The following TENM2 variants were observed in gnomAD, a reference collection of about 807,000 sequenced individuals.
TENM2 encodes teneurin transmembrane protein 2.
TENM2 carries 52 observed loss-of-function variants against 245.2 expected under a neutral mutation model. The observed-to-expected ratio is 0.21, with a 90% CI of 0.17 to 0.27. The LOEUF (loss-of-function observed/expected upper bound fraction) is 0.27, where lower values mean the gene tolerates loss of function less well. TENM2 is among the 10% of genes least tolerant of loss of function. TENM2 has a pLI of 1.00. For missense variants in TENM2, 3,046 were observed against 3,666.8 expected, an observed-to-expected ratio of 0.83 and a Z score of 4.37; for synonymous variants, 1,363 against 1,438.9, an observed-to-expected ratio of 0.95 and a Z score of 1.19.
At chr5:167,284,303 A>G (rs750975231), upstream of TENM2, among the ~76,000 whole-genome samples, 1 of 152,232 alleles carries the variant, frequency 6.6e-6, no homozygotes, top group African/African-American at 2.4e-5. Flanking sequence ...TTTATGCCTT[A>G]TGCTCAAATC....
chr5:168,149,419 C>T (rs1756441559), intron 12 of TENM2: 1 of 457,056 alleles, frequency 2.2e-6, no homozygotes, highest in African/African-American at 2.0e-5. Flanking sequence ...GCTGCATCAA[C>T]AGGGGTAGTT....
At chr5:167,397,205 A>G (rs911571506) in intron 2 of TENM2, among the ~76,000 whole-genome samples, 3 of 152,046 alleles carry the variant, frequency 2.0e-5, no homozygotes, top group South Asian at 4.1e-4. Context: ...TCACAAAACC[A>G]TGGAAGGGAG....
At chr5:167,384,201 C>G (rs957810549) in intron 2 of TENM2, among the ~76,000 whole-genome samples, 1 of 152,106 alleles carries the variant, frequency 6.6e-6, no homozygotes, top group Non-Finnish European at 1.5e-5. Flanking sequence ...CCAAGCACTC[C>G]TATGCATTTA....
At chr5:167,598,871 G>T (rs895045865) in intron 2 of TENM2, among the ~76,000 whole-genome samples, 1 of 152,028 alleles carries the variant, frequency 6.6e-6, no homozygotes, top group South Asian at 2.1e-4. Context: ...AATTTATACC[G>T]CAGGTTAATC....
chr5:167,395,890 C>T (rs1225651703), intron 2 of TENM2, among the ~76,000 whole-genome samples: 1 of 152,000 alleles, frequency 6.6e-6, no homozygotes, highest in African/African-American at 2.4e-5. Flanking sequence ...AAATAGAAAT[C>T]AAAACTACAA....
rs116505785 is a variant in TENM2, at chr5:167,674,724, C to T, written c.503-201262C>T. Among the ~76,000 whole-genome samples the T allele has an allele frequency of 8.0e-3, 1,216 of 152,132 alleles. 20 individuals are homozygous for T. The highest frequency in any genetic ancestry group is 0.027 in the African/African-American group (1,133 of 41,514). On this transcript the variant is annotated intron_variant, in intron 2 of 28. Coordinates refer to ENST00000518659, the Ensembl canonical transcript of TENM2. The stretch of plus-strand genomic sequence containing the variant: ...AGATTTAAAGTACTTAGTAAGTATT[C>T]AGAATGTGGATCGTGCAAGAGTAAC...
intron 2 of TENM2, among the ~76,000 whole-genome samples, chr5:167,458,605 C>G (rs767336612): frequency 4.0e-5 from 6 of 150,906 alleles, no homozygotes; most frequent in Non-Finnish European, 7.4e-5. Flanking sequence ...GTAAAGCTGA[C>G]GTCATGCATA....
intron 1 of TENM2, among the ~76,000 whole-genome samples, chr5:167,331,551 T>C (rs2127791573): frequency 6.6e-6 from 1 of 152,324 alleles, no homozygotes; most frequent in South Asian, 2.1e-4. Context: ...TGTAGGATAT[T>C]CTGTCATCTT....
chr5:167,727,408 G>A (rs116563934), intron 2 of TENM2, among the ~76,000 whole-genome samples: 4,569 of 152,238 alleles, frequency 0.03, 212 homozygotes, highest in African/African-American at 0.1. Flanking sequence ...CACCGTGCCC[G>A]GCCATCCGTT....
intron 3 of TENM2, among the ~76,000 whole-genome samples, chr5:167,906,228 A>G (rs940821036): frequency 6.6e-5 from 10 of 152,344 alleles, no homozygotes; most frequent in African/African-American, 2.4e-4. Context: ...TGCACATTAC[A>G]CAGTTCAGAT....
At chr5:167,917,970 A>G (rs911050496) in intron 3 of TENM2, among the ~76,000 whole-genome samples, 1 of 152,204 alleles carries the variant, frequency 6.6e-6, no homozygotes, top group Admixed American at 6.5e-5. Context: ...TTATTATTAT[A>G]GGTTATTATT....
At chr5:167,368,962 C>T (rs555531675) in intron 1 of TENM2, among the ~76,000 whole-genome samples, 1 of 152,218 alleles carries the variant, frequency 6.6e-6, no homozygotes, top group Non-Finnish European at 1.5e-5. Flanking sequence ...GGATAAAAGT[C>T]CGGGATCCCC....
chr5:168,181,470 C>A (rs2152491480), intron 13 of TENM2, among the ~76,000 whole-genome samples: 1 of 152,206 alleles, frequency 6.6e-6, no homozygotes, highest in Admixed American at 6.5e-5. Context: ...ACAGCTTTCA[C>A]TGGGGCCTCC....
chr5:168,168,687 A>C (rs1384402023), intron 13 of TENM2, among the ~76,000 whole-genome samples: 4 of 146,714 alleles, frequency 2.7e-5, no homozygotes, highest in African/African-American at 5.2e-5. Context: ...GTCTCAAAAA[A>C]AAAAAAAAAA....
At chr5:167,974,601 T>C (rs1782293380) in intron 4 of TENM2, among the ~76,000 whole-genome samples, 1 of 152,230 alleles carries the variant, frequency 6.6e-6, no homozygotes, top group African/African-American at 2.4e-5. Context: ...ACTCATTTAA[T>C]AGACACAATA....
intron 5 of TENM2, among the ~76,000 whole-genome samples, chr5:168,042,847 T>C (rs1015287131): frequency 2.6e-5 from 4 of 152,210 alleles, no homozygotes; most frequent in Non-Finnish European, 4.4e-5. Context: ...TCTCAGAGTT[T>C]GGCTGCCTAT....
the TENM2 span, among the ~76,000 whole-genome samples, chr5:166,980,539 G>A: frequency 6.6e-6 from 1 of 152,054 alleles, no homozygotes. Flanking sequence ...AAGTTCTTTG[G>A]AGGGTTCTTG....
At chr5:167,832,860 C>T (rs1383511204) in intron 2 of TENM2, among the ~76,000 whole-genome samples, 1 of 145,446 alleles carries the variant, frequency 6.9e-6, no homozygotes, top group Non-Finnish European at 1.5e-5. Flanking sequence ...ATATTCTTAA[C>T]TTACAATTGT....
intron 2 of TENM2, among the ~76,000 whole-genome samples, chr5:167,517,698 T>C (rs1291335944): frequency 2.0e-5 from 3 of 152,122 alleles, no homozygotes. Context: ...TTTAAAAGCA[T>C]AAACAGTAAA....
Sources: gnomAD v4.1 joint callset for allele counts (sites outside exome capture counted in the v4.1 genomes callset) on GRCh38, gnomAD v4.1.1 for gene constraint, MANE v1.5 for transcripts, NCBI Gene and HGNC (gene_info 2026-07-23, HGNC 2026-07-21) for gene names.